ZNF638: variants seen among roughly 807,000 people sequenced by gnomAD.
The protein encoded by ZNF638 is CTCL tumor antigen se33-1.
ZNF638 carries 46 observed loss-of-function variants against 195.6 expected under a neutral mutation model. That is an observed-to-expected ratio of 0.24 (90% CI 0.19 to 0.30). The LOEUF is 0.30. Ranked by LOEUF, ZNF638 falls within the 10% of genes least tolerant of loss-of-function variation. The pLI is 1.00. For synonymous variants in ZNF638, 845 were observed against 772.0 expected (o/e 1.09, Z -1.57); for missense variants, 2,440 against 2,325.3 (o/e 1.05, Z -1.01).
rs2078907476 is a variant in ZNF638 at position 71,349,606 on chromosome 2, G to A, written c.652G>A (p.Gly218Ser). 6.2e-7 allele frequency: 1 copy of A among 1,614,050 alleles called. No homozygotes were observed. The highest frequency in any genetic ancestry group is 1.1e-5 in the South Asian group (1 of 91,084). Reference sequence around the variant, plus strand: ...CGATTATGGGCATGCAAGCAAATATGGCTACACAGAAGATCCACTTGAAGT... The same window carrying A: ...CGATTATGGGCATGCAAGCAAATATAGCTACACAGAAGATCCACTTGAAGT... ...VIDYGHASKY[G>S]YTEDPLEVRI... The change falls in exon 2 of 28, where the codon GGC becomes AGC. Residue 218 changes from glycine (G) to serine (S), a missense_variant. Around this residue, in one of 5 missense-constraint regions of ZNF638, gnomAD observed 305 missense variants for 283.6 expected, o/e 1.08. Transcript: ENST00000264447.
Position 71,364,134 on chromosome 2 carries a change from C to T in ZNF638, c.1599C>T (p.Tyr533=). ...PRICHRFISR[Y]RSRSRSRSPY... is the part of the protein sequence containing the mutation. ...TTTGCCATCGTTTCATTTCTAGATA[C>T]AGATCCAGATCCAGATCCCGTTCAC... The change falls in exon 5 of 28, where the codon TAC becomes TAT. Residue 533 remains tyrosine (Y), a synonymous_variant. Transcript: ENST00000264447. 1 of 1,614,032 alleles carries T rather than the reference C, an allele frequency of 6.2e-7. No homozygotes were observed. Among genetic ancestry groups the T allele is most frequent in the Non-Finnish European group, 8.5e-7 (1 of 1,179,912 alleles).
intron 19 of ZNF638, chr2:71,407,201 TTAAC>T (rs2080122641): frequency 3.3e-5 from 5 of 152,264 alleles, no homozygotes; most frequent in African/African-American, 1.2e-4. Context: ...AAGCACTTAA[TTAAC>T]CAACAACTAG....
intron 10 of ZNF638, among the ~76,000 whole-genome samples, chr2:71,382,517 G>A (rs1049702524): frequency 1.1e-4 from 16 of 152,144 alleles, no homozygotes; most frequent in African/African-American, 3.9e-4. Context: ...TATAAGCACA[G>A]GGAGGAAGCA....
At chr2:71,391,076 A>G (rs1329481517) in intron 10 of ZNF638, among the ~76,000 whole-genome samples, 7 of 152,342 alleles carry the variant, frequency 4.6e-5, no homozygotes, top group East Asian at 3.9e-4. Flanking sequence ...GAGTTAGTTC[A>G]GCAATTAAAA....
chr2:71,343,510 A>G (rs1176100896), intron 1 of ZNF638, among the ~76,000 whole-genome samples: 1 of 152,212 alleles, frequency 6.6e-6, no homozygotes, highest in Non-Finnish European at 1.5e-5. Flanking sequence ...AGAAACAACA[A>G]AAATCAGTGT....
chr2:71,350,318 A>G (rs1440596347), intron 2 of ZNF638, 47 bp downstream of exon 2: 3 of 1,545,198 alleles, frequency 1.9e-6, no homozygotes, highest in African/African-American at 2.7e-5. Context: ...GCTCAGCGCC[A>G]GTTTTCTCTA....
intron 20 of ZNF638, 88 bp from the exon 21 acceptor site, chr2:71,418,514 T>A: frequency 1.1e-6 from 1 of 934,072 alleles, no homozygotes; most frequent in Non-Finnish European, 1.5e-6. Flanking sequence ...TTTTTTGAGC[T>A]TAAATTTTTA....
At chr2:71,332,545 A>G (rs986630307) in intron 1 of ZNF638, among the ~76,000 whole-genome samples, 11 of 152,240 alleles carry the variant, frequency 7.2e-5, no homozygotes, top group Non-Finnish European at 1.5e-4. Flanking sequence ...GGACTCATAA[A>G]TGGTTGTGAT....
intron 11 of ZNF638, among the ~76,000 whole-genome samples, chr2:71,396,800 G>T (rs1479842764): frequency 6.6e-6 from 1 of 152,080 alleles, no homozygotes; most frequent in Non-Finnish European, 1.5e-5. Flanking sequence ...AAAAAAACTA[G>T]CCAGGCACCA....
At chr2:71,414,143 A>G (rs1286792747) in intron 20 of ZNF638, among the ~76,000 whole-genome samples, 1 of 140,198 alleles carries the variant, frequency 7.1e-6, no homozygotes, top group African/African-American at 2.6e-5. Context: ...GATTATTGCC[A>G]CAATTTCAGA....
Position 71,355,739 on chromosome 2 carries a change from T to C in ZNF638, c.1338T>C (p.Asn446=). ...AATAGGATTGGATTCAGCATCAAAA[T>C]ACATCTACTCATATTGAGAGCTGTC... ...SHLKDWIQHQ[N]TSTHIESCRQ... is the part of the protein sequence containing the mutation. The change falls in exon 3 of 28, where the codon AAT becomes AAC. Residue 446 remains asparagine (N), a synonymous_variant. Transcript: ENST00000264447. 1.2e-6 allele frequency: 2 copies of C among 1,600,654 alleles called. No individual in the cohort carries two copies. The highest frequency in any genetic ancestry group is 1.7e-6 in the Non-Finnish European group (2 of 1,173,584).
chr2:71,338,419 T>C (rs1209992188), intron 1 of ZNF638, among the ~76,000 whole-genome samples: 2 of 152,220 alleles, frequency 1.3e-5, no homozygotes, highest in Non-Finnish European at 2.9e-5. Flanking sequence ...TTCAGTTCTT[T>C]CTTGCTTTCT....
In ZNF638 at chr2:71,426,457, C is replaced by T. The variant is rs969764793; in HGVS notation, c.4591-3C>T. 3 of 1,552,812 alleles carry T rather than the reference C, an allele frequency of 1.9e-6. No individual in the cohort carries two copies. Among genetic ancestry groups the T allele is most frequent in the South Asian group, 1.3e-5 (1 of 79,970 alleles). On this transcript the variant is annotated splice_region_variant and splice_polypyrimidine_tract_variant and intron_variant, in intron 23 of 27. Transcript: ENST00000264447. ...AATACTATGATTTTTAACTTTCCAA[C>T]AGGAGCCATTATTTCCATTTAATTT... is the stretch of plus-strand genomic sequence containing the variant.
In ZNF638 at chr2:71,349,901, A is replaced by G. The variant is rs763016432; in HGVS notation, c.947A>G (p.Asn316Ser). The G allele has an allele frequency of 9.9e-6, 16 of 1,614,202 alleles. No individual in the cohort carries two copies. In the East Asian group the frequency reaches 2.7e-4, roughly 27 times the overall value. ...EPIKSVNQSI[N>S]QTVSQTMSQS... ...ATAAAATCCGTCAACCAATCCATTA[A>G]CCAAACAGTTAGCCAGACAATGAGT... The change falls in exon 2 of 28, where the codon AAC becomes AGC. Residue 316 changes from asparagine (N) to serine (S), a missense_variant. By Grantham distance (46) the Asn-to-Ser change is conservative. Around this residue, in one of 5 missense-constraint regions of ZNF638, gnomAD observed 305 missense variants for 283.6 expected, o/e 1.08. Coordinates refer to ENST00000264447, the MANE Select transcript of ZNF638 (RefSeq NM_014497.5).
intron 20 of ZNF638, among the ~76,000 whole-genome samples, chr2:71,417,788 CT>C (rs990075683): frequency 3.3e-5 from 5 of 152,058 alleles, no homozygotes; most frequent in African/African-American, 7.2e-5. Context: ...ATAAGCTAGA[CT>C]TATCACCAGA....
Position 71,431,350 on chromosome 2 carries a change from G to A in ZNF638, c.5674G>A (p.Asp1892Asn). ...SEVDEESGLKDSEPERKRKKT... is the reference protein window; with the variant it reads ...SEVDEESGLKNSEPERKRKKT... ...AGTTGATGAGGAATCTGGATTAAAG[G>A]ATTCAGAACCAGAGCGAAAACGCAA... The change falls in exon 26 of 28, where the codon GAT becomes AAT. Residue 1892 changes from aspartate (D) to asparagine (N), a missense_variant. Physicochemically the swap from Asp to Asn is conservative, Grantham distance 23. Transcript: ENST00000264447. The A allele has an allele frequency of 6.2e-7, 1 of 1,613,614 alleles. No individual in the cohort carries two copies. Among genetic ancestry groups the A allele is most frequent in the East Asian group, 2.2e-5 (1 of 44,866 alleles).
chr2:71,369,946 C>T lies in ZNF638; in HGVS notation c.2206C>T (p.Pro736Ser). 6.3e-7 allele frequency: 1 copy of T among 1,599,576 alleles called. No individual in the cohort carries two copies. The highest frequency in any genetic ancestry group is 8.5e-7 in the Non-Finnish European group (1 of 1,175,372). Residue 736 changes from proline to serine, a missense_variant, in exon 8 of 28, where the codon CCT becomes TCT. Physicochemically the swap from Pro to Ser is moderately conservative, Grantham distance 74. This residue lies in a region of ZNF638 where 1,883 missense variants were observed against 1,739.1 expected (regional missense o/e 1.08). Transcript: ENST00000264447. ...TAIMKYIETTPLTIKGKSVKI... is the reference protein window; with the variant it reads ...TAIMKYIETTSLTIKGKSVKI... ...AATTATGAAGTACATTGAAACAACACCTCTTACGATAAAAGGAAAAAGTGT... is the reference window on the plus strand; with the variant it reads ...AATTATGAAGTACATTGAAACAACATCTCTTACGATAAAAGGAAAAAGTGT...
chr2:71,430,650 C>T (rs1173598506), intron 25 of ZNF638, among the ~76,000 whole-genome samples: 6 of 152,088 alleles, frequency 3.9e-5, no homozygotes, highest in African/African-American at 1.4e-4. Context: ...ATTTCACGTG[C>T]CTATCTTACA....
intron 15 of ZNF638, 65 bp from the exon 16 acceptor site, chr2:71,401,891 T>C: frequency 1.4e-6 from 2 of 1,405,032 alleles, no homozygotes; most frequent in Non-Finnish European, 1.9e-6. Flanking sequence ...TGATACACAG[T>C]ATAAACTTAA....
Sources: gnomAD v4.1 joint callset for allele counts (sites outside exome capture counted in the v4.1 genomes callset) on GRCh38, gnomAD v4.1.1 for gene constraint, gnomAD v4.1.1 regional missense constraint, MANE v1.5 for transcripts, NCBI Gene and HGNC (gene_info 2026-07-23, HGNC 2026-07-21) for gene names.